Variants in RAB40C observed in about 807,000 individuals in gnomAD.
The protein encoded by RAB40C is ras-related protein Rab-40C.
A neutral mutation model predicts 28.1 loss-of-function variants in RAB40C; 8 were observed. The ratio of observed to expected loss-of-function variants is 0.28; its 90% confidence interval spans 0.17 to 0.51. The LOEUF (loss-of-function observed/expected upper bound fraction) is 0.51, where lower values mean the gene tolerates loss of function less well. Ranked by LOEUF, RAB40C falls within the 20% of genes least tolerant of loss-of-function variation. RAB40C has a pLI of 0.97. For synonymous variants in RAB40C, 201 were observed against 171.7 expected (o/e 1.17, Z -1.34); for missense variants, 288 against 405.9 (o/e 0.71, Z 2.50).
chr16:592,575 T>C (rs553137159), intron 1 of RAB40C, among the ~76,000 whole-genome samples: 6 of 152,344 alleles, frequency 3.9e-5, no homozygotes, highest in South Asian at 4.1e-4. Flanking sequence ...TGCCCCAGAA[T>C]TGGTAACTCC....
chr16:602,768 T>G (rs760247432), intron 1 of RAB40C, among the ~76,000 whole-genome samples: 1 of 152,158 alleles, frequency 6.6e-6, no homozygotes, highest in Non-Finnish European at 1.5e-5. Flanking sequence ...GGTCTTGCCA[T>G]GTTGCCTAGG....
At chr16:594,818 C>CTT (rs1006905623) in intron 1 of RAB40C, among the ~76,000 whole-genome samples, 21 of 130,316 alleles carry the variant, frequency 1.6e-4, no homozygotes, top group African/African-American at 3.4e-4. Context: ...GCTCGTCTTC[C>CTT]TTTTTTTTTT....
At chr16:605,058 A>C (rs1026997957) in intron 1 of RAB40C, among the ~76,000 whole-genome samples, 2 of 152,112 alleles carry the variant, frequency 1.3e-5, no homozygotes, top group Non-Finnish European at 2.9e-5. Context: ...ACTTTGTCTC[A>C]AAAAAATAAA....
At chr16:594,445 G>C (rs1038852144) in intron 1 of RAB40C, among the ~76,000 whole-genome samples, 1 of 152,202 alleles carries the variant, frequency 6.6e-6, no homozygotes, top group Non-Finnish European at 1.5e-5. Flanking sequence ...CACGCTGCCT[G>C]CTGTACCCAT....
chr16:602,640 C>CCAGG (rs2151065203), intron 1 of RAB40C, among the ~76,000 whole-genome samples: 1 of 152,214 alleles, frequency 6.6e-6, no homozygotes, highest in African/African-American at 2.4e-5. Flanking sequence ...ACCATGTCGG[C>CCAGG]CAGGCTGGTC....
At chr16:591,184 T>C (rs182157977) in intron 1 of RAB40C, among the ~76,000 whole-genome samples, 33 of 129,170 alleles carry the variant, frequency 2.6e-4, no homozygotes, top group African/African-American at 9.5e-4. Context: ...GAAGGTGTCA[T>C]GGGCCTAAGG....
chr16:596,013 C>T (rs960857505), intron 1 of RAB40C, among the ~76,000 whole-genome samples: 3 of 152,248 alleles, frequency 2.0e-5, no homozygotes, highest in Non-Finnish European at 2.9e-5. Context: ...AGGCCAGATG[C>T]CAGAACTTTT....
At chr16:606,991 G>C (rs1449453012) in intron 1 of RAB40C, among the ~76,000 whole-genome samples, 1 of 152,214 alleles carries the variant, frequency 6.6e-6, no homozygotes, top group African/African-American at 2.4e-5. Flanking sequence ...GGCCGGCCCA[G>C]ACAGACAGAC....
In RAB40C at chr16:604,349, G is replaced by A. The variant is rs117745787; in HGVS notation, c.143-12859G>A. 1.0e-3 allele frequency among the ~76,000 whole-genome samples: 153 copies of A among 152,284 alleles called. 1 individual carries two copies. In the East Asian group the frequency reaches 0.017, roughly 16 times the overall value. On this transcript the variant is annotated intron_variant, in intron 1 of 5. Coordinates refer to ENST00000248139, the MANE Select transcript of RAB40C (RefSeq NM_021168.5). ...ACTAAACTATAACACAAATACGCAC[G>A]AGGCCTTCTGAAGGTGTTTCTCTAG... is the stretch of plus-strand genomic sequence containing the variant.
In RAB40C at chr16:627,335, C is replaced by G. The variant is rs2036859851; in HGVS notation, c.566-7C>G. 1 of 1,610,646 alleles carries G rather than the reference C, an allele frequency of 6.2e-7. No individual in the cohort carries two copies. Among genetic ancestry groups the G allele is most frequent in the South Asian group, 1.1e-5 (1 of 90,712 alleles). On this transcript the variant is annotated splice_polypyrimidine_tract_variant and splice_region_variant and intron_variant, in intron 5 of 5. Transcript: ENST00000248139. ...CCCCATGGTCTGACACCCCCTCTGC[C>G]CCACAGTGTTCAGCCTGCAGGACCT...
chr16:596,255 G>C (rs1433775326), intron 1 of RAB40C: 1 of 454,362 alleles, frequency 2.2e-6, no homozygotes. Context: ...AGGTGGGCGG[G>C]AAGGACACAA....
At chr16:593,111 T>C (rs1254758087) in intron 1 of RAB40C, among the ~76,000 whole-genome samples, 2 of 152,216 alleles carry the variant, frequency 1.3e-5, no homozygotes, top group African/African-American at 4.8e-5. Flanking sequence ...CTCTGGGCTG[T>C]GGAACGCGCT....
At chr16:595,603 C>CT (rs746491567) in intron 1 of RAB40C, among the ~76,000 whole-genome samples, 24,623 of 138,828 alleles carry the variant, frequency 0.18, 2,451 homozygotes, top group South Asian at 0.27. Flanking sequence ...CTTTTTTCTT[C>CT]TTTTTTTTTT....
At chr16:614,124 T>C (rs1596409767) in intron 1 of RAB40C, among the ~76,000 whole-genome samples, 1 of 144,966 alleles carries the variant, frequency 6.9e-6, no homozygotes, top group Non-Finnish European at 1.5e-5. Flanking sequence ...ACTGCCAAAC[T>C]CTACCGCATC....
At chr16:594,360 G>C (rs1029756453) in intron 1 of RAB40C, among the ~76,000 whole-genome samples, 1 of 152,174 alleles carries the variant, frequency 6.6e-6, no homozygotes, top group Non-Finnish European at 1.5e-5. Flanking sequence ...AGGCGGTTGT[G>C]GACATGGCGA....
At chr16:623,566 A>G (rs112467994) in intron 3 of RAB40C, among the ~76,000 whole-genome samples, 73 of 151,526 alleles carry the variant, frequency 4.8e-4, no homozygotes, top group Non-Finnish European at 9.7e-4. Context: ...AGGCAGGAGA[A>G]TGGCGTGAAC....
At chr16:601,428 G>A (rs926111079) in intron 1 of RAB40C, among the ~76,000 whole-genome samples, 3 of 152,048 alleles carry the variant, frequency 2.0e-5, no homozygotes, top group Non-Finnish European at 2.9e-5. Context: ...AGCCCGGGTC[G>A]CCAGGATCCG....
intron 3 of RAB40C, among the ~76,000 whole-genome samples, chr16:623,571 G>T (rs1022832257): frequency 6.6e-6 from 1 of 150,972 alleles, no homozygotes; most frequent in African/African-American, 2.4e-5. Context: ...GGAGAATGGC[G>T]TGAACCCGGA....
rs999459789 is a variant in RAB40C at position 623,139 on chromosome 16, G to A, written c.265-2293G>A. 8.5e-5 allele frequency among the ~76,000 whole-genome samples: 13 copies of A among 152,188 alleles called. No individual in the cohort carries two copies. In the South Asian group the frequency reaches 1.0e-3, roughly 12 times the overall value. On this transcript the variant is annotated intron_variant, in intron 3 of 5. Coordinates refer to ENST00000248139, the MANE Select transcript of RAB40C (RefSeq NM_021168.5). ...CCGGGAGGTGTGGCCAGGGCCCCCC[G>A]CGTCACAGCACACTTGGAGCCTGAG... is the stretch of plus-strand genomic sequence containing the variant.
Sources: gnomAD v4.1 joint callset for allele counts (sites outside exome capture counted in the v4.1 genomes callset) on GRCh38, gnomAD v4.1.1 for gene constraint, MANE v1.5 for transcripts, NCBI Gene and HGNC (gene_info 2026-07-23, HGNC 2026-07-21) for gene names.